The following MYO18B variants were observed in gnomAD, a reference collection of about 807,000 sequenced individuals.
The protein encoded by MYO18B is unconventional myosin-XVIIIb.
Under a neutral mutation model 273.0 loss-of-function variants are expected in MYO18B, and 204 were observed. The observed-to-expected ratio is 0.75, with a 90% CI of 0.67 to 0.84. MYO18B has a LOEUF of 0.84. Among genes scored for constraint, MYO18B ranks in the 40% least tolerant of loss-of-function variants. The pLI, the probability that MYO18B is intolerant of heterozygous loss-of-function variation, is 0.00. For missense variants in MYO18B, 3,212 were observed against 3,287.6 expected, an observed-to-expected ratio of 0.98 and a Z score of 0.56; for synonymous variants, 1,330 against 1,305.7, an observed-to-expected ratio of 1.02 and a Z score of -0.40.
At chr22:25,787,912 G>A (rs763706659) in intron 11 of MYO18B, among the ~76,000 whole-genome samples, 7 of 152,074 alleles carry the variant, frequency 4.6e-5, no homozygotes, top group East Asian at 1.9e-4. Flanking sequence ...CAAAATATCC[G>A]TATGAATCAG....
At chr22:25,824,454 A>G (rs2089413773) in intron 13 of MYO18B, among the ~76,000 whole-genome samples, 1 of 152,134 alleles carries the variant, frequency 6.6e-6, no homozygotes, top group Non-Finnish European at 1.5e-5. Context: ...CGTGGGGGAA[A>G]AACAGGAGGA....
intron 39 of MYO18B, among the ~76,000 whole-genome samples, chr22:25,957,695 C>T (rs1009854766): frequency 6.6e-6 from 1 of 152,172 alleles, no homozygotes; most frequent in East Asian, 1.9e-4. Context: ...TCCTTCCTTG[C>T]CTCTTCCAGC....
intron 12 of MYO18B, among the ~76,000 whole-genome samples, chr22:25,801,024 A>G (rs895857888): frequency 2.0e-5 from 3 of 152,254 alleles, no homozygotes; most frequent in South Asian, 2.1e-4. Flanking sequence ...GAAAGATTTC[A>G]TAATAGGTTG....
chr22:25,982,361 C>T lies in MYO18B; in HGVS notation c.6157-10002C>T, dbSNP rs557260108. On this transcript the variant is annotated intron_variant, in intron 39 of 43. Transcript: ENST00000335473. ...AGGGGACCCTCCAGCTGCAGTCAAGCCTGCAGACAACCAAAGCCCTGGCTG... is the reference window on the plus strand; with the variant it reads ...AGGGGACCCTCCAGCTGCAGTCAAGTCTGCAGACAACCAAAGCCCTGGCTG... 2.0e-5 allele frequency among the ~76,000 whole-genome samples: 3 copies of T among 152,304 alleles called. No individual in the cohort carries two copies. The East Asian group carries it at 5.8e-4, about 29-fold the overall frequency.
rs377089421 is a variant in MYO18B, at chr22:25,768,501, C to G, written c.585C>G (p.Thr195=). The G allele has an allele frequency of 7.3e-5, 116 of 1,596,050 alleles. 1 individual carries two copies. In the African/African-American group the frequency reaches 1.4e-3, roughly 20 times the overall value. Residue 195 remains threonine (T), a synonymous_variant, in exon 4 of 44, where the codon ACC becomes ACG. Coordinates refer to ENST00000335473, the MANE Select transcript of MYO18B (RefSeq NM_032608.7). ...CTGGAAAGGAAAAGAAAGGGGAGAC[C>G]TCTAGGACTCCTTGTGGCTCCCAGG... ...TDTGKEKKGE[T]SRTPCGSQAS...
chr22:26,024,680 C>T (rs574106264), intron 42 of MYO18B, among the ~76,000 whole-genome samples: 2 of 152,298 alleles, frequency 1.3e-5, no homozygotes, highest in South Asian at 2.1e-4. Flanking sequence ...TAGCCGGGCC[C>T]ATCATTGCCA....
downstream of MYO18B, among the ~76,000 whole-genome samples, chr22:26,032,772 C>G (rs1333757082): frequency 1.3e-5 from 2 of 152,090 alleles, no homozygotes; most frequent in East Asian, 1.9e-4. Context: ...ATCCACCTGC[C>G]TTGGCCTCCC....
chr22:25,989,347 A>G (rs1018675148), intron 39 of MYO18B, among the ~76,000 whole-genome samples: 1 of 152,144 alleles, frequency 6.6e-6, no homozygotes, highest in South Asian at 2.1e-4. Flanking sequence ...ATAACCCACA[A>G]TGGCCCAGAT....
At chr22:25,851,992 T>C (rs534078220) in intron 21 of MYO18B, among the ~76,000 whole-genome samples, 1 of 151,734 alleles carries the variant, frequency 6.6e-6, no homozygotes, top group African/African-American at 2.4e-5. Context: ...AAGAATAGAG[T>C]CATGAGAAGA....
intron 33 of MYO18B, 45 bp downstream of exon 33, chr22:25,911,095 A>T (rs201994449): frequency 1.4e-6 from 2 of 1,438,578 alleles, no homozygotes; most frequent in Non-Finnish European, 1.9e-6. Context: ...TATCTCAGGG[A>T]CCTATTTGAG....
the MYO18B span, among the ~76,000 whole-genome samples, chr22:26,040,258 G>A: frequency 6.6e-6 from 1 of 152,036 alleles, no homozygotes; most frequent in Non-Finnish European, 1.5e-5. Flanking sequence ...CCATTCGCTG[G>A]TCCATGTCCG....
At position 25,824,123 on chromosome 22, in the gene MYO18B, C is replaced by T. The variant is rs142697324; in HGVS notation, c.2695+445C>T. ...GGTCCGCTCACTAAGGGTTTATAAACGAGGGTTTTCATTCTCAGGCCCTTG... is the reference window on the plus strand; with the variant it reads ...GGTCCGCTCACTAAGGGTTTATAAATGAGGGTTTTCATTCTCAGGCCCTTG... On this transcript the variant is annotated intron_variant, in intron 13 of 43. Transcript: ENST00000335473. Among the ~76,000 whole-genome samples, 31 of 152,194 alleles carry T rather than the reference C, an allele frequency of 2.0e-4. No individual in the cohort carries two copies. In the East Asian group the frequency reaches 3.7e-3, roughly 18 times the overall value.
intron 11 of MYO18B, among the ~76,000 whole-genome samples, chr22:25,794,171 A>T (rs1443111821): frequency 6.6e-6 from 1 of 151,862 alleles, no homozygotes; most frequent in East Asian, 1.9e-4. Flanking sequence ...TGACCTCGTG[A>T]TCCACCCACC....
intron 42 of MYO18B, among the ~76,000 whole-genome samples, chr22:26,012,689 G>A (rs1935003941): frequency 6.6e-6 from 1 of 152,102 alleles, no homozygotes; most frequent in Non-Finnish European, 1.5e-5. Context: ...TTGGATGGTA[G>A]GTCTATGGAC....
chr22:25,772,279 G>A (rs1325883335), intron 6 of MYO18B, 55 bp from the exon 7 acceptor site: 43 of 1,530,112 alleles, frequency 2.8e-5, no homozygotes, highest in Non-Finnish European at 3.6e-5. Flanking sequence ...TGGGGTGGGG[G>A]CAGGGGGCCA....
At chr22:25,941,316 A>T (rs1210450280) in intron 34 of MYO18B, among the ~76,000 whole-genome samples, 2 of 152,154 alleles carry the variant, frequency 1.3e-5, no homozygotes, top group African/African-American at 4.8e-5. Flanking sequence ...AAAGGTGGGA[A>T]GTGTCAGCTG....
At chr22:25,894,072 T>C (rs533315734) in intron 27 of MYO18B, among the ~76,000 whole-genome samples, 84 of 152,374 alleles carry the variant, frequency 5.5e-4, no homozygotes, top group African/African-American at 2.0e-3. Context: ...ATTTACTATA[T>C]GCTAGGCATT....
intron 39 of MYO18B, among the ~76,000 whole-genome samples, chr22:25,991,118 G>A (rs959761013): frequency 1.3e-5 from 2 of 152,200 alleles, no homozygotes; most frequent in Non-Finnish European, 2.9e-5. Context: ...GAGCATCAAA[G>A]TGACACACTG....
intron 15 of MYO18B, among the ~76,000 whole-genome samples, chr22:25,831,845 G>A (rs548641234): frequency 7.2e-5 from 11 of 152,306 alleles, no homozygotes; most frequent in South Asian, 2.1e-4. Flanking sequence ...CGGCTGACAC[G>A]CTGCATGATG....
Sources: gnomAD v4.1 joint callset for allele counts (sites outside exome capture counted in the v4.1 genomes callset) on GRCh38, gnomAD v4.1.1 for gene constraint, MANE v1.5 for transcripts, NCBI Gene and HGNC (gene_info 2026-07-23, HGNC 2026-07-21) for gene names.